CTBS: variants seen among roughly 807,000 people sequenced by gnomAD.
CTBS encodes the protein di-N-acetylchitobiase.
In CTBS, 35 loss-of-function variants were observed where a neutral mutation model predicts 44.3. The ratio of observed to expected loss-of-function variants is 0.79; its 90% CI spans 0.60 to 1.05. CTBS has a LOEUF of 1.05. CTBS is among the 50% of genes least tolerant of loss of function. CTBS has a pLI of 0.00. For missense variants in CTBS, 458 were observed against 475.3 expected (o/e 0.96, Z 0.34); for synonymous variants, 143 against 168.0 (o/e 0.85, Z 1.15).
At chr1:84,560,449 G>A (rs1020252003) in intron 6 of CTBS, among the ~76,000 whole-genome samples, 4 of 152,168 alleles carry the variant, frequency 2.6e-5, no homozygotes, top group Admixed American at 6.5e-5. Context: ...GTTCTACATA[G>A]CTGTCCATAC....
In CTBS at chr1:84,551,363, A is replaced by C; in HGVS notation, c.*3636T>G. On this transcript the variant is annotated 3_prime_UTR_variant, in exon 7 of 7. Transcript: ENST00000370630. ...ATCAGTACTGTCCTCGGTTTCAGAT[A>C]AAAATAAAAATAAATAAAATTTAAA... The C allele has an allele frequency of 1.3e-6, 1 of 770,862 alleles. No homozygotes were observed. The highest frequency in any genetic ancestry group is 1.9e-5 in the African/African-American group (1 of 52,830). 47.8% of individuals were successfully genotyped at this position (770,862 alleles called of 1,614,324 possible).
intron 6 of CTBS, 52 bp downstream of exon 6, chr1:84,563,205 A>G (rs573883276): frequency 1.6e-5 from 20 of 1,229,336 alleles, no homozygotes; most frequent in African/African-American, 3.1e-5. Flanking sequence ...AATTATGAAA[A>G]TAATTACAAA....
chr1:84,561,973 T>C (rs1684604319), intron 6 of CTBS, among the ~76,000 whole-genome samples: 2 of 152,218 alleles, frequency 1.3e-5, no homozygotes, highest in South Asian at 4.1e-4. Context: ...GGTCTAGAAC[T>C]GACTCTGCAA....
intron 1 of CTBS, 79 bp downstream of exon 1, chr1:84,574,160 C>G (rs1400580673): frequency 6.4e-7 from 1 of 1,551,922 alleles, no homozygotes; most frequent in African/African-American, 1.4e-5. Flanking sequence ...CACGGCACCT[C>G]TCCTTAGGGC....
intron 6 of CTBS, among the ~76,000 whole-genome samples, chr1:84,560,385 G>A (rs1684568744): frequency 6.6e-6 from 1 of 152,144 alleles, no homozygotes; most frequent in Non-Finnish European, 1.5e-5. Context: ...AGTCCTTGCT[G>A]AGTTTTCCCA....
intron 6 of CTBS, among the ~76,000 whole-genome samples, chr1:84,557,927 C>T (rs1684496036): frequency 6.6e-6 from 1 of 151,476 alleles, no homozygotes; most frequent in Non-Finnish European, 1.5e-5. Context: ...AAATGGCCTT[C>T]AATGCGCACC....
In CTBS at chr1:84,553,010, T is replaced by C; in HGVS notation, c.*1989A>G. ...TTTAGAAGGGTATGATGAAGTTCAT[T>C]TTTGAAAAGTAATTCTTTTTATAGA... On this transcript the variant is annotated 3_prime_UTR_variant, in exon 7 of 7. Transcript: ENST00000370630. The C allele has an allele frequency of 6.9e-7, 1 of 1,442,318 alleles. No individual in the cohort carries two copies. Among genetic ancestry groups the C allele is most frequent in the Non-Finnish European group, 9.4e-7 (1 of 1,068,332 alleles). The allele number at this position is 1,442,318 out of a possible 1,614,324, so 89.3% of individuals were successfully genotyped here. A position where few individuals can be genotyped will look rare whatever the true frequency, so the allele number is the denominator to read the frequency against.
Position 84,552,981 on chromosome 1 carries a change from T to C in CTBS, c.*2018A>G. On this transcript the variant is annotated 3_prime_UTR_variant, in exon 7 of 7. Coordinates refer to ENST00000370630, the MANE Select transcript of CTBS (RefSeq NM_004388.3). ...CCCTGTTTACATGACAACTATGATG[T>C]ACTTTTAGAAGGGTATGATGAAGTT... The C allele has an allele frequency of 8.6e-7, 1 of 1,162,258 alleles. No individual in the cohort carries two copies. Among genetic ancestry groups the C allele is most frequent in the Non-Finnish European group, 1.2e-6 (1 of 822,764 alleles). The allele number at this position is 1,162,258 out of a possible 1,614,324, so 72.0% of individuals were successfully genotyped here. A position where few individuals can be genotyped will look rare whatever the true frequency, so the allele number is the denominator to read the frequency against.
At chr1:84,570,167 C>A in intron 2 of CTBS, 28 bp from the exon 3 acceptor site, 1 of 1,565,606 alleles carries the variant, frequency 6.4e-7, no homozygotes, top group Admixed American at 1.8e-5. Flanking sequence ...ATCTTTTGAA[C>A]ATGTATGCAA....
rs369312150 is a variant in CTBS, at chr1:84,563,212, C to T, written c.957+45G>A. On this transcript the variant is annotated intron_variant, in intron 6 of 6. Transcript: ENST00000370630. Reference sequence around the variant, plus strand: ...AAACATCTAATTATGAAAATAATTACAAAAACTAATAGAATAAATGCTCAT... The same window carrying T: ...AAACATCTAATTATGAAAATAATTATAAAAACTAATAGAATAAATGCTCAT... 1.1e-5 allele frequency: 14 copies of T among 1,261,294 alleles called. No homozygotes were observed. In the African/African-American group the frequency reaches 2.0e-4, roughly 18 times the overall value. The allele number at this position is 1,261,294 out of a possible 1,614,324, so 78.1% of individuals were successfully genotyped here. A position where few individuals can be genotyped will look rare whatever the true frequency, so the allele number is the denominator to read the frequency against.
At chr1:84,557,008 T>C (rs1478829013) in intron 6 of CTBS, among the ~76,000 whole-genome samples, 1 of 152,206 alleles carries the variant, frequency 6.6e-6, no homozygotes, top group African/African-American at 2.4e-5. Context: ...TTCTAGCTAG[T>C]ACTTTGAGCC....
At chr1:84,566,204 G>A (rs1684696736) in intron 3 of CTBS, 192 bp from the exon 4 acceptor site, 2 of 268,612 alleles carry the variant, frequency 7.4e-6, no homozygotes, top group Admixed American at 1.1e-4. Context: ...ACACTTGACT[G>A]AGTCAGACAT....
chr1:84,553,171 T>C lies in CTBS; in HGVS notation c.*1828A>G, dbSNP rs771371466. ...ATTTGTAAAAAAATTTAAATATGTATTTGAACAGATTTGTTTAACCATTAT... is the reference window on the plus strand; with the variant it reads ...ATTTGTAAAAAAATTTAAATATGTACTTGAACAGATTTGTTTAACCATTAT... On this transcript the variant is annotated 3_prime_UTR_variant, in exon 7 of 7. Transcript: ENST00000370630. 4.7e-6 allele frequency: 5 copies of C among 1,056,574 alleles called. No homozygotes were observed. In the African/African-American group the frequency reaches 8.2e-5, roughly 17 times the overall value. The allele number at this position is 1,056,574 out of a possible 1,614,324, so 65.4% of individuals were successfully genotyped here.
chr1:84,562,107 CAATT>C (rs372738295), intron 6 of CTBS, among the ~76,000 whole-genome samples: 1 of 152,258 alleles, frequency 6.6e-6, no homozygotes, highest in African/African-American at 2.4e-5. Flanking sequence ...ATATGTCAAA[CAATT>C]AAACTACCTT....
chr1:84,563,185 T>A lies in CTBS; in HGVS notation c.957+72A>T, dbSNP rs987280697. The A allele has an allele frequency of 1.1e-5, 12 of 1,053,800 alleles. No homozygotes were observed. In the African/African-American group the frequency reaches 2.0e-4, roughly 18 times the overall value. 65.3% of individuals were successfully genotyped at this position (1,053,800 alleles called of 1,614,324 possible). A position where few individuals can be genotyped will look rare whatever the true frequency, so the allele number is the denominator to read the frequency against. ...AGAAAACTGATAGAAATTCTTGATA[T>A]CAAACATCTAATTATGAAAATAATT... On this transcript the variant is annotated intron_variant, in intron 6 of 6. Transcript: ENST00000370630.
rs1684332496 is a variant in CTBS at position 84,553,286 on chromosome 1, T to C, written c.*1713A>G. ...ACAAAATGTTTCAGGAAATATTAGA[T>C]GTAATATAAAGCAAAATGATGAATG... On this transcript the variant is annotated 3_prime_UTR_variant, in exon 7 of 7. Transcript: ENST00000370630. The C allele has an allele frequency of 2.3e-6, 1 of 436,354 alleles. No individual in the cohort carries two copies. The highest frequency in any genetic ancestry group is 4.1e-6 in the Non-Finnish European group (1 of 242,428). The allele number at this position is 436,354 out of a possible 1,614,324, so 27.0% of individuals were successfully genotyped here.
intron 1 of CTBS, chr1:84,574,033 G>A: frequency 7.0e-7 from 1 of 1,420,648 alleles, no homozygotes; most frequent in Non-Finnish European, 9.2e-7. Context: ...GGCACTTACA[G>A]GCTGTGAGGC....
rs1164801917 is a variant in CTBS, at chr1:84,561,299, G to A, written c.957+1958C>T. Among the ~76,000 whole-genome samples, 3 of 152,304 alleles carry A rather than the reference G, an allele frequency of 2.0e-5. No homozygotes were observed. The East Asian group carries it at 5.8e-4, about 29-fold the overall frequency. On this transcript the variant is annotated intron_variant, in intron 6 of 6. Coordinates refer to ENST00000370630, the MANE Select transcript of CTBS (RefSeq NM_004388.3). ...TGAAGGAAGTAACTGCAGAGGTAGT[G>A]GAAACAGCAAGAGAATTAGAATTGG...
At chr1:84,567,642 G>A (rs980477460) in intron 3 of CTBS, among the ~76,000 whole-genome samples, 4 of 152,076 alleles carry the variant, frequency 2.6e-5, no homozygotes, top group Middle Eastern at 3.2e-3. Flanking sequence ...GTAAACCAAA[G>A]TTATTATCTT....
Sources: gnomAD v4.1 joint callset for allele counts (sites outside exome capture counted in the v4.1 genomes callset) on GRCh38, gnomAD v4.1.1 for gene constraint, MANE v1.5 for transcripts, NCBI Gene and HGNC (gene_info 2026-07-23, HGNC 2026-07-21) for gene names.